FN1: variants seen among roughly 807,000 people sequenced by gnomAD.
The protein encoded by FN1 is fibronectin 1, also known as fibronectin.
A neutral mutation model predicts 297.3 loss-of-function variants in FN1; 106 were observed. That is an observed-to-expected ratio of 0.36 (90% CI 0.30 to 0.42). FN1 has a LOEUF of 0.42. Among genes scored for constraint, FN1 ranks in the 10% least tolerant of loss-of-function variants. The pLI, the probability that FN1 is intolerant of heterozygous loss-of-function variation, is 1.00. For missense variants in FN1, 2,690 were observed against 3,124.9 expected (o/e 0.86, Z 3.32); for synonymous variants, 1,149 against 1,152.6 (o/e 1.00, Z 0.06).
chr2:215,414,989 T>C (rs760724402), intron 12 of FN1, 31 bp from the exon 13 acceptor site: 18 of 1,572,178 alleles, frequency 1.1e-5, no homozygotes, highest in Non-Finnish European at 1.6e-5. Context: ...TTTAATTATC[T>C]TGAATATTCA....
At chr2:215,374,175 A>G (rs560454938) in intron 38 of FN1, among the ~76,000 whole-genome samples, 7 of 152,310 alleles carry the variant, frequency 4.6e-5, no homozygotes, top group Non-Finnish European at 8.8e-5. Flanking sequence ...AGGCAAGTGA[A>G]GGGTAGGAGA....
At chr2:215,409,529 C>T (rs1327505940) in intron 15 of FN1, 34 bp downstream of exon 15, 1 of 1,607,654 alleles carries the variant, frequency 6.2e-7, no homozygotes, top group Admixed American at 1.7e-5. Flanking sequence ...CAGCAGCTGC[C>T]CTGAACCTGT....
intron 36 of FN1, 40 bp downstream of exon 36, chr2:215,376,458 A>G (rs111653542): frequency 6.4e-7 from 1 of 1,563,442 alleles, no homozygotes; most frequent in South Asian, 1.1e-5. Flanking sequence ...CATTGTGGGT[A>G]TTTGTTAACA....
At chr2:215,394,065 G>T (rs1045080561) in intron 24 of FN1, among the ~76,000 whole-genome samples, 2 of 152,170 alleles carry the variant, frequency 1.3e-5, no homozygotes, top group Admixed American at 1.3e-4. Flanking sequence ...AAAACTAGAT[G>T]TGTCAACCAA....
intron 18 of FN1, among the ~76,000 whole-genome samples, chr2:215,406,737 AGT>A (rs1350651897): frequency 6.6e-6 from 1 of 152,310 alleles, no homozygotes; most frequent in East Asian, 1.9e-4. Context: ...CAGCATATGA[AGT>A]GTCATATGGT....
chr2:215,364,941 C>T lies in FN1; in HGVS notation c.7189G>A (p.Glu2397Lys), dbSNP rs1203026761. The change falls in exon 44 of 46, where the codon GAA (glutamate) becomes AAA (lysine). Residue 2397 changes from glutamate (E) to lysine (K), a missense_variant. Coordinates refer to ENST00000354785, the MANE Select transcript of FN1 (RefSeq NM_212482.4). ...CCGAGATATTCCTTCTGCCACTGTT[C>T]TCCTACGTGGTATGTCTTCCCATCA... is the stretch of plus-strand genomic sequence containing the variant. The part of the protein sequence containing the change: ...YDDGKTYHVG[E>K]QWQKEYLGAI... 1 of 1,580,338 alleles carries T rather than the reference C, an allele frequency of 6.3e-7. No individual in the cohort carries two copies. The highest frequency in any genetic ancestry group is 8.6e-7 in the Non-Finnish European group (1 of 1,161,980).
At chr2:215,425,023 G>A in intron 7 of FN1, 71 bp downstream of exon 7, 1 of 1,352,904 alleles carries the variant, frequency 7.4e-7, no homozygotes, top group South Asian at 1.2e-5. Flanking sequence ...GTTTCACATT[G>A]AAAATGTATT....
chr2:215,413,038 G>A (rs2062903837), intron 13 of FN1, among the ~76,000 whole-genome samples: 1 of 151,974 alleles, frequency 6.6e-6, no homozygotes, highest in South Asian at 2.1e-4. Flanking sequence ...AGGTTCAATG[G>A]AATTATTCCT....
intron 18 of FN1, 117 bp from the exon 19 acceptor site, chr2:215,406,627 A>C (rs1370058165): frequency 4.6e-6 from 5 of 1,076,628 alleles, no homozygotes; most frequent in Non-Finnish European, 6.9e-6. Context: ...AGTTTTGCTA[A>C]GTTTTGTCTC....
At chr2:215,385,430 C>T (rs940647417) in intron 28 of FN1, among the ~76,000 whole-genome samples, 1 of 151,570 alleles carries the variant, frequency 6.6e-6, no homozygotes, top group Non-Finnish European at 1.5e-5. Flanking sequence ...GGCGTGGTGG[C>T]GGGCACCTGT....
chr2:215,370,494 C>G (rs1043502431), intron 40 of FN1, 62 bp from the exon 41 acceptor site: 8 of 1,352,480 alleles, frequency 5.9e-6, no homozygotes, highest in South Asian at 2.4e-5. Flanking sequence ...GACACGGGCT[C>G]TCCTCTTACC....
Position 215,367,899 on chromosome 2 carries a change from C to T in FN1, c.6982G>A (p.Gly2328Ser), listed in dbSNP as rs146149463. 49 of 1,614,022 alleles carry T rather than the reference C, an allele frequency of 3.0e-5. No individual in the cohort carries two copies. The highest frequency in any genetic ancestry group is 3.7e-5 in the Non-Finnish European group (44 of 1,179,990). The change falls in exon 42 of 46, where the codon GGC becomes AGC. Residue 2328 changes from glycine (G) to serine (S), a missense_variant. Around this residue, in one of 3 missense-constraint regions of FN1, gnomAD observed 1,743 missense variants for 1,945.2 expected, o/e 0.90. Transcript: ENST00000354785. ...CATCTGAAATGACCACTTCCAAAGCCTAAGCACTGGCACAACAGTTTAAAG... is the reference window on the plus strand; with the variant it reads ...CATCTGAAATGACCACTTCCAAAGCTTAAGCACTGGCACAACAGTTTAAAG... ...SGFKLLCQCL[G>S]FGSGHFRCDS...
At chr2:215,380,320 T>A in intron 33 of FN1, 1 of 173,248 alleles carries the variant, frequency 5.8e-6, no homozygotes, top group South Asian at 1.4e-4. Flanking sequence ...ATTGCCCTAT[T>A]GATTATTTCC....
At chr2:215,406,124 A>G (rs1045794447) in intron 19 of FN1, 114 bp downstream of exon 19, 8 of 1,102,762 alleles carry the variant, frequency 7.3e-6, no homozygotes, top group African/African-American at 1.5e-5. Flanking sequence ...CCGGCTGGGT[A>G]TTTCCCTCTC....
In FN1 at chr2:215,378,233, A is replaced by G; in HGVS notation, c.5652T>C (p.Tyr1884=). 1 of 1,612,254 alleles carries G rather than the reference A, an allele frequency of 6.2e-7. No individual in the cohort carries two copies. Among genetic ancestry groups the G allele is most frequent in the African/African-American group, 1.3e-5 (1 of 75,024 alleles). Residue 1884 remains tyrosine (Y), a synonymous_variant, in exon 35 of 46, where the codon TAT becomes TAC. Coordinates refer to ENST00000354785, the MANE Select transcript of FN1 (RefSeq NM_212482.4). ...TGCTTGTCAAAGTGTCCTTAAGAGC[A>G]TAGACACTCACTTCATATTTGGTGG... The part of the protein sequence containing the change: ...MVATKYEVSV[Y]ALKDTLTSRP...
intron 23 of FN1, among the ~76,000 whole-genome samples, chr2:215,395,539 C>CA (rs5838509): frequency 0.012 from 1,625 of 134,824 alleles, 18 homozygotes; most frequent in African/African-American, 0.037. Context: ...GACTCTGTCT[C>CA]AAAAAAAAAA....
At chr2:215,426,272 C>T (rs1379272300) in intron 6 of FN1, among the ~76,000 whole-genome samples, 1 of 151,306 alleles carries the variant, frequency 6.6e-6, no homozygotes, top group African/African-American at 2.4e-5. Context: ...CCTCAGCCTC[C>T]CGAGTAGCTG....
intron 20 of FN1, among the ~76,000 whole-genome samples, chr2:215,403,814 T>G (rs933321972): frequency 6.6e-6 from 1 of 152,214 alleles, no homozygotes; most frequent in Non-Finnish European, 1.5e-5. Context: ...ACTTTAATCT[T>G]CTGCAGCCAA....
chr2:215,431,781 C>G, intron 4 of FN1, 52 bp downstream of exon 4: 1 of 1,600,912 alleles, frequency 6.2e-7, no homozygotes, highest in Non-Finnish European at 8.6e-7. Flanking sequence ...TGGTCCAACC[C>G]CACATTAGAA....
Sources: allele counts gnomAD v4.1 joint callset (sites outside exome capture counted in the v4.1 genomes callset), GRCh38; gene constraint gnomAD v4.1.1; regional missense constraint gnomAD v4.1.1; transcripts MANE v1.5; gene names NCBI Gene and HGNC (gene_info 2026-07-23, HGNC 2026-07-21).